Variants in C2CD5 observed in about 807,000 individuals in gnomAD.
The protein encoded by C2CD5 is C2 calcium dependent domain containing 5.
In C2CD5, 109 loss-of-function variants were observed where a neutral mutation model predicts 130.3. The ratio of observed to expected loss-of-function variants is 0.84; its 90% CI spans 0.72 to 0.98. The LOEUF is 0.98. Among genes scored for constraint, C2CD5 ranks in the 50% least tolerant of loss-of-function variants. The pLI, the probability that C2CD5 is intolerant of heterozygous loss-of-function variation, is 0.00. For synonymous variants in C2CD5, 454 were observed against 429.2 expected (o/e 1.06, Z -0.71); for missense variants, 996 against 1,261.8 (o/e 0.79, Z 3.19).
intron 2 of C2CD5, among the ~76,000 whole-genome samples, chr12:22,537,294 A>T (rs1951912446): frequency 6.6e-6 from 1 of 152,194 alleles, no homozygotes; most frequent in African/African-American, 2.4e-5. Flanking sequence ...GCGTGCCTGG[A>T]GTCCCTGCTA....
At chr12:22,516,866 C>T (rs1380606123) in intron 8 of C2CD5, among the ~76,000 whole-genome samples, 2 of 151,670 alleles carry the variant, frequency 1.3e-5, no homozygotes, top group African/African-American at 2.4e-5. Flanking sequence ...ATGGCATAAA[C>T]CTCGTAAGGT....
chr12:22,467,916 C>A (rs936780449), intron 22 of C2CD5, among the ~76,000 whole-genome samples: 1 of 152,126 alleles, frequency 6.6e-6, no homozygotes, highest in Non-Finnish European at 1.5e-5. Flanking sequence ...TCCTTATAGA[C>A]AAGGCAAACT....
At chr12:22,539,434 T>C (rs1485227421) in intron 2 of C2CD5, among the ~76,000 whole-genome samples, 3 of 152,068 alleles carry the variant, frequency 2.0e-5, no homozygotes, top group Non-Finnish European at 4.4e-5. Context: ...GGATTCATCC[T>C]GTTTCTCTCC....
At chr12:22,527,475 T>C (rs1054104429) in intron 4 of C2CD5, among the ~76,000 whole-genome samples, 1 of 151,466 alleles carries the variant, frequency 6.6e-6, no homozygotes. Context: ...TGCACCACCA[T>C]GCCCAGCTAA....
At chr12:22,526,012 T>C (rs992068180) in intron 4 of C2CD5, among the ~76,000 whole-genome samples, 1 of 152,202 alleles carries the variant, frequency 6.6e-6, no homozygotes, top group African/African-American at 2.4e-5. Context: ...AATGTTTGGT[T>C]GATTAGATAT....
chr12:22,539,117 A>G (rs1438429904), intron 2 of C2CD5, among the ~76,000 whole-genome samples: 2 of 151,924 alleles, frequency 1.3e-5, no homozygotes, highest in African/African-American at 2.4e-5. Flanking sequence ...ACAGTTGCCT[A>G]TTCATACTCT....
intron 25 of C2CD5, among the ~76,000 whole-genome samples, chr12:22,454,896 G>C (rs546489848): frequency 5.1e-4 from 77 of 152,220 alleles, no homozygotes; most frequent in African/African-American, 1.7e-3. Context: ...ATAATTGTAA[G>C]GAAATAAAAT....
intron 3 of C2CD5, among the ~76,000 whole-genome samples, chr12:22,529,550 G>A: frequency 6.6e-6 from 1 of 151,760 alleles, no homozygotes. Context: ...TGAATAACAG[G>A]GAAAATCAAG....
At chr12:22,452,338 TAGAG>T (rs1938833067) in intron 26 of C2CD5, among the ~76,000 whole-genome samples, 1 of 152,174 alleles carries the variant, frequency 6.6e-6, no homozygotes, top group African/African-American at 2.4e-5. Context: ...ACGATCCGTG[TAGAG>T]GTAGTTCGCA....
rs1952758701 is a variant in C2CD5, at chr12:22,544,478, T to G, written c.-188A>C. Reference sequence around the variant, plus strand: ...CATCCCGTTGAGCCTCTGCCGCCCCTGCTTGTCTCTCCTCCCCCGCTCTCA... The same window carrying G: ...CATCCCGTTGAGCCTCTGCCGCCCCGGCTTGTCTCTCCTCCCCCGCTCTCA... On this transcript the variant is annotated 5_prime_UTR_variant, in exon 1 of 27. Coordinates refer to ENST00000446597, the MANE Select transcript of C2CD5 (RefSeq NM_001286176.2). 2 of 211,836 alleles carry G rather than the reference T, an allele frequency of 9.4e-6. No homozygotes were observed. Among genetic ancestry groups the G allele is most frequent in the Middle Eastern group, 1.6e-3 (1 of 620 alleles). 13.1% of individuals were successfully genotyped at this position (211,836 alleles called of 1,614,324 possible). A position where few individuals can be genotyped will look rare whatever the true frequency, so the allele number is the denominator to read the frequency against.
At chr12:22,501,413 A>C (rs917035971) in intron 10 of C2CD5, among the ~76,000 whole-genome samples, 11 of 152,148 alleles carry the variant, frequency 7.2e-5, no homozygotes, top group African/African-American at 2.7e-4. Context: ...ATCTCACCCT[A>C]AACATCTTTG....
chr12:22,535,823 T>G (rs1951767662), intron 2 of C2CD5, among the ~76,000 whole-genome samples: 1 of 152,162 alleles, frequency 6.6e-6, no homozygotes, highest in Non-Finnish European at 1.5e-5. Flanking sequence ...ACTGTCATGC[T>G]TTGCTGGTAG....
chr12:22,486,115 A>G (rs1945461673), intron 12 of C2CD5, among the ~76,000 whole-genome samples: 1 of 151,692 alleles, frequency 6.6e-6, no homozygotes, highest in Non-Finnish European at 1.5e-5. Flanking sequence ...TAATAAAGTG[A>G]GAATCCTGTA....
chr12:22,535,369 A>G (rs767971741), intron 2 of C2CD5, 25 bp from the exon 3 acceptor site: 1 of 1,181,628 alleles, frequency 8.5e-7, no homozygotes, highest in Non-Finnish European at 1.3e-6. Flanking sequence ...GAAATTATTC[A>G]CATATGAATA....
In C2CD5 at chr12:22,470,951, C is replaced by A. The variant is rs747573431; in HGVS notation, c.2359-40G>T. 1.7e-5 allele frequency: 23 copies of A among 1,364,018 alleles called. 1 individual carries two copies. In the South Asian group the frequency reaches 2.6e-4, roughly 16 times the overall value. 84.5% of individuals were successfully genotyped at this position (1,364,018 alleles called of 1,614,324 possible). Reference sequence around the variant, plus strand: ...ACAATAATGGTTAGCAAAATAATCACTGCCAAAACTAAGTTTCTTACATAT... The same window carrying A: ...ACAATAATGGTTAGCAAAATAATCAATGCCAAAACTAAGTTTCTTACATAT... On this transcript the variant is annotated intron_variant, in intron 20 of 26. Transcript: ENST00000446597.
chr12:22,481,670 T>G, intron 14 of C2CD5, among the ~76,000 whole-genome samples: 1 of 149,578 alleles, frequency 6.7e-6, no homozygotes. Context: ...TTTTTTTTTT[T>G]TTGAGACAGA....
chr12:22,450,226 C>A (rs1036597830), intron 26 of C2CD5, among the ~76,000 whole-genome samples: 1 of 152,092 alleles, frequency 6.6e-6, no homozygotes, highest in East Asian at 1.9e-4. Context: ...ACAAGAGCAA[C>A]ACACTTAACA....
intron 22 of C2CD5, among the ~76,000 whole-genome samples, chr12:22,467,572 G>T (rs1056984928): frequency 6.6e-6 from 1 of 152,126 alleles, no homozygotes; most frequent in Non-Finnish European, 1.5e-5. Flanking sequence ...AATTTTAAAG[G>T]TTAGAGAGAA....
intron 6 of C2CD5, 74 bp from the exon 7 acceptor site, chr12:22,523,698 GTA>G: frequency 1.1e-6 from 1 of 908,266 alleles, no homozygotes; most frequent in Non-Finnish European, 1.6e-6. Flanking sequence ...CATGGTAGTG[GTA>G]AAAAAAAAAA....
Sources: allele counts gnomAD v4.1 joint callset (sites outside exome capture counted in the v4.1 genomes callset), GRCh38; gene constraint gnomAD v4.1.1; transcripts MANE v1.5; gene names NCBI Gene and HGNC (gene_info 2026-07-23, HGNC 2026-07-21).